C3orf20: variants seen among roughly 807,000 people sequenced by gnomAD.
The protein encoded by C3orf20 is uncharacterized protein C3orf20.
In C3orf20, 76 loss-of-function variants were observed where a neutral mutation model predicts 88.3. The observed-to-expected ratio is 0.86, with a 90% CI of 0.72 to 1.04. C3orf20 has a LOEUF of 1.04. Ranked by LOEUF, C3orf20 falls within the 50% of genes least tolerant of loss-of-function variation. The pLI, the probability that C3orf20 is intolerant of heterozygous loss-of-function variation, is 0.00. For synonymous variants in C3orf20, 436 were observed against 437.4 expected, an observed-to-expected ratio of 1.00 and a Z score of 0.04; for missense variants, 1,056 against 1,123.3, an observed-to-expected ratio of 0.94 and a Z score of 0.86.
chr3:14,729,229 G>A (rs1295080449), intron 12 of C3orf20, among the ~76,000 whole-genome samples: 1 of 152,150 alleles, frequency 6.6e-6, no homozygotes, highest in African/African-American at 2.4e-5. Context: ...AAAGTGGTGT[G>A]GGATGGGCTG....
intron 5 of C3orf20, among the ~76,000 whole-genome samples, chr3:14,690,769 G>T (rs898113039): frequency 3.3e-5 from 5 of 152,244 alleles, no homozygotes; most frequent in African/African-American, 1.2e-4. Flanking sequence ...CACCCTGCTA[G>T]CCATGACAGC....
chr3:14,772,692 AG>A lies in C3orf20; in HGVS notation c.2631-96del. 1 of 919,134 alleles carries A rather than the reference AG, an allele frequency of 1.1e-6. No homozygotes were observed. The highest frequency in any genetic ancestry group is 1.7e-6 in the Non-Finnish European group (1 of 571,460). 56.9% of individuals were successfully genotyped at this position (919,134 alleles called of 1,614,324 possible). A position where few individuals can be genotyped will look rare whatever the true frequency, so the allele number is the denominator to read the frequency against. ...AGCACCCAACAGCCTCACCTGTGCA[AG>A]GGAGAGGGCCTTGCCCCTCCTGGCC... is the stretch of plus-strand genomic sequence containing the variant. On this transcript the variant is annotated intron_variant, in intron 16 of 16. Coordinates refer to ENST00000253697, the MANE Select transcript of C3orf20 (RefSeq NM_032137.5). The surrounding 1 kb of genome is among the most constrained non-coding windows in gnomAD (Gnocchi z 4.2).
intron 12 of C3orf20, among the ~76,000 whole-genome samples, chr3:14,742,839 A>C (rs369130813): frequency 3.3e-4 from 51 of 152,276 alleles, no homozygotes; most frequent in African/African-American, 8.7e-4. Flanking sequence ...ACCCCTGATA[A>C]ACCCATCAGA....
In C3orf20 at chr3:14,682,608, GT is replaced by G; in HGVS notation, c.-103del. 7.0e-7 allele frequency: 1 copy of G among 1,434,890 alleles called. No individual in the cohort carries two copies. The highest frequency in any genetic ancestry group is 9.3e-7 in the Non-Finnish European group (1 of 1,070,814). The allele number at this position is 1,434,890 out of a possible 1,614,324, so 88.9% of individuals were successfully genotyped here. A position where few individuals can be genotyped will look rare whatever the true frequency, so the allele number is the denominator to read the frequency against. The stretch of plus-strand genomic sequence containing the variant: ...ACTGGCTCAATGACCTGTAAGGGCC[GT>G]TTCAGCACATCCATTCTGTCCATCT... On this transcript the variant is annotated 5_prime_UTR_variant, in exon 3 of 17. It removes the in-frame stop codon of an upstream open reading frame in the 5' UTR. Coordinates refer to ENST00000253697, the MANE Select transcript of C3orf20 (RefSeq NM_032137.5).
At chr3:14,696,472 C>T (rs1174094460) in intron 5 of C3orf20, among the ~76,000 whole-genome samples, 2 of 151,530 alleles carry the variant, frequency 1.3e-5, no homozygotes, top group African/African-American at 4.8e-5. Flanking sequence ...CTGACTGCAA[C>T]CTCTTTCTAC....
chr3:14,704,504 C>G lies in C3orf20; in HGVS notation c.1046C>G (p.Thr349Ser), dbSNP rs533263395. The G allele has an allele frequency of 1.2e-6, 2 of 1,614,202 alleles. No individual in the cohort carries two copies. Among genetic ancestry groups the G allele is most frequent in the Admixed American group, 3.3e-5 (2 of 60,016 alleles). Residue 349 changes from threonine (T) to serine (S), a missense_variant, in exon 7 of 17, where the codon ACC (threonine) becomes AGC (serine). Thr to Ser is a moderately conservative substitution (Grantham distance 58). Coordinates refer to ENST00000253697, the MANE Select transcript of C3orf20 (RefSeq NM_032137.5). ...GCAGGTGCTCAGACTCTCAGCCCCA[C>G]CTCTCACCCATCTTCTGCCAACCAT... ...PTAGAQTLSP[T>S]SHPSSANHHF...
chr3:14,687,644 C>T (rs1488027972), intron 4 of C3orf20, among the ~76,000 whole-genome samples: 1 of 152,208 alleles, frequency 6.6e-6, no homozygotes, highest in Non-Finnish European at 1.5e-5. Flanking sequence ...CCAGCCCAAC[C>T]CTCGGGCCTG....
intron 9 of C3orf20, among the ~76,000 whole-genome samples, chr3:14,718,225 T>C (rs1289937507): frequency 6.6e-6 from 1 of 152,170 alleles, no homozygotes; most frequent in Non-Finnish European, 1.5e-5. Context: ...TATGTTGTTG[T>C]TATTCACATT....
At chr3:14,703,878 G>A (rs1328054302) in intron 6 of C3orf20, among the ~76,000 whole-genome samples, 4 of 152,188 alleles carry the variant, frequency 2.6e-5, no homozygotes, top group Non-Finnish European at 5.9e-5. Context: ...GCCACTGGGT[G>A]TAAAGGACTT....
intron 4 of C3orf20, 119 bp from the exon 5 acceptor site, chr3:14,689,878 C>G (rs544547536): frequency 2.3e-6 from 3 of 1,309,446 alleles, no homozygotes; most frequent in Non-Finnish European, 3.2e-6. Flanking sequence ...TGTAACAATG[C>G]GGCACTTTAC....
chr3:14,687,125 G>A (rs1414411882), intron 4 of C3orf20, among the ~76,000 whole-genome samples: 1 of 152,102 alleles, frequency 6.6e-6, no homozygotes, highest in Non-Finnish European at 1.5e-5. Flanking sequence ...AAAATAAAAA[G>A]CAGTAAAGCT....
rs369645157 is a variant in C3orf20 at position 14,721,650 on chromosome 3, C to T, written c.1435-3C>T. ...TCTCTGAGTACTGTTTCTTCATCTA[C>T]AGGTGAATGAGGAAATGAAACTAAA... On this transcript the variant is annotated splice_region_variant and splice_polypyrimidine_tract_variant and intron_variant, in intron 9 of 16. Coordinates refer to ENST00000253697, the MANE Select transcript of C3orf20 (RefSeq NM_032137.5). 3.1e-6 allele frequency: 5 copies of T among 1,613,974 alleles called. No individual in the cohort carries two copies. The highest frequency in any genetic ancestry group is 1.1e-5 in the South Asian group (1 of 91,044).
intron 15 of C3orf20, among the ~76,000 whole-genome samples, chr3:14,771,012 T>C (rs2035846561): frequency 6.6e-6 from 1 of 152,240 alleles, no homozygotes; most frequent in South Asian, 2.1e-4. Context: ...GGCTGTGGTC[T>C]GAAAGTGTGC....
chr3:14,688,906 G>A (rs2032578776), intron 4 of C3orf20, among the ~76,000 whole-genome samples: 1 of 152,040 alleles, frequency 6.6e-6, no homozygotes, highest in Non-Finnish European at 1.5e-5. Context: ...TTGTCATTTT[G>A]AGTGGGCATA....
Position 14,728,533 on chromosome 3 carries a change from G to C in C3orf20, c.1785G>C (p.Lys595Asn). Residue 595 changes from lysine to asparagine, a missense_variant, in exon 12 of 17, where the codon AAG (lysine) becomes AAC (asparagine). Coordinates refer to ENST00000253697, the MANE Select transcript of C3orf20 (RefSeq NM_032137.5). ...RSRTHPERLP[K>N]LSLYSGESLL... ...GAACTCATCCCGAGCGGCTCCCCAAGCTAAGTTTATACTCAGGAGAAAGTC... is the reference window on the plus strand; with the variant it reads ...GAACTCATCCCGAGCGGCTCCCCAACCTAAGTTTATACTCAGGAGAAAGTC... 1 of 1,614,202 alleles carries C rather than the reference G, an allele frequency of 6.2e-7. No homozygotes were observed. Among genetic ancestry groups the C allele is most frequent in the Non-Finnish European group, 8.5e-7 (1 of 1,180,042 alleles).
intron 15 of C3orf20, among the ~76,000 whole-genome samples, chr3:14,765,885 G>A (rs2035687435): frequency 6.6e-6 from 1 of 152,244 alleles, no homozygotes; most frequent in African/African-American, 2.4e-5. Flanking sequence ...ATAGGTGCTG[G>A]GGAAGAAAGG....
chr3:14,675,540 A>G (rs1251951675), intron 1 of C3orf20, among the ~76,000 whole-genome samples: 1 of 152,062 alleles, frequency 6.6e-6, no homozygotes, highest in East Asian at 1.9e-4. Context: ...ATGTTCTGTT[A>G]TGGTGTTTCT....
intron 1 of C3orf20, among the ~76,000 whole-genome samples, chr3:14,681,407 G>T (rs1364960358): frequency 2.6e-5 from 4 of 152,248 alleles, no homozygotes; most frequent in Non-Finnish European, 5.9e-5. Context: ...TGGTCGAAGA[G>T]ATGGTTGGAC....
intron 4 of C3orf20, among the ~76,000 whole-genome samples, chr3:14,687,840 T>A (rs1559396787): frequency 6.6e-6 from 1 of 152,096 alleles, no homozygotes; most frequent in Admixed American, 6.5e-5. Context: ...GGGAAGAGAG[T>A]TAAGCTGAGC....
Sources: allele counts gnomAD v4.1 joint callset (sites outside exome capture counted in the v4.1 genomes callset), GRCh38; gene constraint gnomAD v4.1.1; non-coding constraint Gnocchi (gnomAD v3.1); transcripts MANE v1.5; gene names NCBI Gene and HGNC (gene_info 2026-07-23, HGNC 2026-07-21).